The following FBXW12 variants were observed in gnomAD, a reference collection of about 807,000 sequenced individuals.
The protein encoded by FBXW12 is F-box and WD repeat domain containing 12.
Under a neutral mutation model 55.3 loss-of-function variants are expected in FBXW12, and 43 were observed. The observed-to-expected ratio is 0.78, with a 90% CI of 0.61 to 1.00. The LOEUF is 1.00. FBXW12 is among the 50% of genes least tolerant of loss of function. The pLI, the probability that FBXW12 is intolerant of heterozygous loss-of-function variation, is 0.00. For synonymous variants in FBXW12, 184 were observed against 203.8 expected, an observed-to-expected ratio of 0.90 and a Z score of 0.83; for missense variants, 524 against 560.5, an observed-to-expected ratio of 0.93 and a Z score of 0.66.
Position 48,379,530 on chromosome 3 carries a change from G to C in FBXW12, c.746G>C (p.Cys249Ser). Residue 249 changes from cysteine (C) to serine (S), a missense_variant, in exon 7 of 11, where the codon TGT becomes TCT. Physicochemically the swap from Cys to Ser is moderately radical, Grantham distance 112. Transcript: ENST00000296438. Reference sequence around the variant, plus strand: ...CCTGACAAGAAATGGGTATTTGCATGTGGGACATACAGTCGTACCTTGCCA... The same window carrying C: ...CCTGACAAGAAATGGGTATTTGCATCTGGGACATACAGTCGTACCTTGCCA... ...CSPDKKWVFA[C>S]GTYSRTLPQV... 1 of 1,614,186 alleles carries C rather than the reference G, an allele frequency of 6.2e-7. No individual in the cohort carries two copies. The highest frequency in any genetic ancestry group is 8.5e-7 in the Non-Finnish European group (1 of 1,179,984).
chr3:48,372,322 T>C lies in FBXW12; in HGVS notation c.-85+2T>C, dbSNP rs1234949015. The C allele has an allele frequency of 6.4e-7, 1 of 1,552,086 alleles. No individual in the cohort carries two copies. Among genetic ancestry groups the C allele is most frequent in the East Asian group, 2.4e-5 (1 of 40,930 alleles). Reference sequence around the variant, plus strand: ...ACTCACCAGATTCAAGATCCCAAGGTAGGCACAGACACAGGGCAAGCAGAC... The same window carrying C: ...ACTCACCAGATTCAAGATCCCAAGGCAGGCACAGACACAGGGCAAGCAGAC... On this transcript the variant is annotated splice_donor_variant, in intron 1 of 10. Coordinates refer to ENST00000296438, the MANE Select transcript of FBXW12 (RefSeq NM_207102.2). LOFTEE classifies it low-confidence loss of function (5UTR_SPLICE).
chr3:48,380,715 A>G lies in FBXW12; in HGVS notation c.788A>G (p.Glu263Gly). 6.2e-7 allele frequency: 1 copy of G among 1,613,672 alleles called. No individual in the cohort carries two copies. Among genetic ancestry groups the G allele is most frequent in the Non-Finnish European group, 8.5e-7 (1 of 1,179,564 alleles). ...TGCTCTCTTTAGGTATTCCTCACAG[A>G]GTCCTTACTGAGACCATCAGAAGGC... ...SRTLPQVFLT[E>G]SLLRPSEGSV... The change falls in exon 8 of 11, where the codon GAG becomes GGG. Residue 263 changes from glutamate (E) to glycine (G), a missense_variant. By Grantham distance (98) the Glu-to-Gly change is moderately conservative (BLOSUM62 -2). Coordinates refer to ENST00000296438, the MANE Select transcript of FBXW12 (RefSeq NM_207102.2).
intron 4 of FBXW12, among the ~76,000 whole-genome samples, chr3:48,374,833 G>A (rs1015661991): frequency 2.2e-4 from 30 of 137,542 alleles, no homozygotes; most frequent in Non-Finnish European, 3.5e-4. Context: ...GCAGCAGCAT[G>A]ATCTTGGCTT....
chr3:48,372,856 A>G lies in FBXW12; in HGVS notation c.89A>G (p.Lys30Arg). 1 of 1,614,056 alleles carries G rather than the reference A, an allele frequency of 6.2e-7. No individual in the cohort carries two copies. The highest frequency in any genetic ancestry group is 1.3e-5 in the African/African-American group (1 of 75,024). The change falls in exon 2 of 11, where the codon AAG (lysine) becomes AGG (arginine). Residue 30 changes from lysine (K) to arginine (R), a missense_variant and splice_region_variant. Lys to Arg is a conservative substitution (Grantham distance 26, BLOSUM62 2). Coordinates refer to ENST00000296438, the MANE Select transcript of FBXW12 (RefSeq NM_207102.2). ...FGLLQVSQVN[K>R]HWNRIADSDY... Reference sequence around the variant, plus strand: ...TTGCTGCAGGTTTCCCAGGTGAACAAGGTAAAGGCCTTCCACCTCCCACTG... The same window carrying G: ...TTGCTGCAGGTTTCCCAGGTGAACAGGGTAAAGGCCTTCCACCTCCCACTG...
intron 4 of FBXW12, among the ~76,000 whole-genome samples, chr3:48,374,738 C>T (rs1011600989): frequency 1.3e-5 from 2 of 148,366 alleles, no homozygotes; most frequent in Admixed American, 1.3e-4. Flanking sequence ...GCGTGAGCCA[C>T]TGTACCTGGC....
Position 48,372,583 on chromosome 3 carries a change from G to A in FBXW12, c.-84-101G>A, listed in dbSNP as rs563154353. The stretch of plus-strand genomic sequence containing the variant: ...GATGCCTGCCAGCTGTGTGGATCAG[G>A]CCCCAGGGGAGAGGCCGGGGTGGAG... On this transcript the variant is annotated intron_variant, in intron 1 of 10. Transcript: ENST00000296438. The A allele has an allele frequency of 1.0e-5, 14 of 1,385,254 alleles. No individual in the cohort carries two copies. In the East Asian group the frequency reaches 2.4e-4, roughly 24 times the overall value. The allele number at this position is 1,385,254 out of a possible 1,614,324, so 85.8% of individuals were successfully genotyped here. A position where few individuals can be genotyped will look rare whatever the true frequency, so the allele number is the denominator to read the frequency against.
At chr3:48,372,978 C>T in intron 2 of FBXW12, 121 bp downstream of exon 2, 1 of 949,102 alleles carries the variant, frequency 1.1e-6, no homozygotes. Context: ...ATTCTTCATA[C>T]TGAGGGCCTC....
intron 8 of FBXW12, 83 bp from the exon 9 acceptor site, chr3:48,381,617 T>C (rs2036775653): frequency 7.1e-7 from 1 of 1,416,380 alleles, no homozygotes; most frequent in Non-Finnish European, 9.4e-7. Flanking sequence ...TTTTATTCAG[T>C]GTGAGGATAT....
rs576519547 is a variant in FBXW12, at chr3:48,387,154, T to C, written c.1295+5069T>C. Among the ~76,000 whole-genome samples, 29 of 152,252 alleles carry C rather than the reference T, an allele frequency of 1.9e-4. No individual in the cohort carries two copies. In the South Asian group the frequency reaches 6.0e-3, roughly 32 times the overall value. On this transcript the variant is annotated intron_variant, in intron 10 of 10. Transcript: ENST00000296438. ...AAGCTTTTAACTATAAATTCCTTAATAGTTATAGTACAACTCAGATTATCT... is the reference window on the plus strand; with the variant it reads ...AAGCTTTTAACTATAAATTCCTTAACAGTTATAGTACAACTCAGATTATCT...
Position 48,374,390 on chromosome 3 carries a change from C to T in FBXW12, c.286+685C>T, listed in dbSNP as rs1235689557. ...TCATCTAGGCTGGAGTGCAATGGCA[C>T]GATCTCGGCTCACTGCAGCCTCTGT... On this transcript the variant is annotated intron_variant, in intron 4 of 10. Transcript: ENST00000296438. 6.0e-5 allele frequency among the ~76,000 whole-genome samples: 9 copies of T among 150,740 alleles called. No homozygotes were observed. In the South Asian group the frequency reaches 6.3e-4, roughly 11 times the overall value.
At chr3:48,383,847 A>G (rs1034545053) in intron 10 of FBXW12, among the ~76,000 whole-genome samples, 1 of 152,156 alleles carries the variant, frequency 6.6e-6, no homozygotes, top group Admixed American at 6.5e-5. Flanking sequence ...TTGCCTGTGT[A>G]CCTTTGTCCA....
intron 7 of FBXW12, among the ~76,000 whole-genome samples, chr3:48,380,450 AT>A (rs1304695664): frequency 2.0e-5 from 3 of 152,218 alleles, no homozygotes; most frequent in Non-Finnish European, 2.9e-5. Context: ...AGGGTTCAAC[AT>A]GGCAAGATGG....
intron 8 of FBXW12, among the ~76,000 whole-genome samples, chr3:48,381,284 A>C (rs1167671051): frequency 6.6e-6 from 1 of 151,874 alleles, no homozygotes; most frequent in African/African-American, 2.4e-5. Context: ...GGCCTCCCAA[A>C]GTGCTGGGAT....
At chr3:48,394,472 T>C (rs2036976956) in intron 10 of FBXW12, 88 bp from the exon 11 acceptor site, 2 of 759,492 alleles carry the variant, frequency 2.6e-6, no homozygotes, top group Admixed American at 5.1e-5. Context: ...AAAGTATTGA[T>C]ATCTTAGTCA....
intron 10 of FBXW12, among the ~76,000 whole-genome samples, chr3:48,389,582 G>A (rs1435083390): frequency 6.6e-6 from 1 of 152,084 alleles, no homozygotes; most frequent in Non-Finnish European, 1.5e-5. Context: ...CACCATGTTG[G>A]CCAGGCTGGT....
intron 10 of FBXW12, 96 bp from the exon 11 acceptor site, chr3:48,394,464 A>G (rs1199979268): frequency 1.4e-6 from 1 of 713,898 alleles, no homozygotes; most frequent in East Asian, 2.7e-5. Flanking sequence ...TAATTTGGAA[A>G]GTATTGATAT....
intron 7 of FBXW12, among the ~76,000 whole-genome samples, 161 bp from the exon 8 acceptor site, chr3:48,380,541 T>C (rs1449627735): frequency 6.6e-6 from 1 of 152,242 alleles, no homozygotes; most frequent in African/African-American, 2.4e-5. Flanking sequence ...GAGTTCCTTT[T>C]ATGCTGGAGT....
At chr3:48,380,344 G>C (rs1483650601) in intron 7 of FBXW12, among the ~76,000 whole-genome samples, 1 of 152,180 alleles carries the variant, frequency 6.6e-6, no homozygotes, top group Non-Finnish European at 1.5e-5. Flanking sequence ...GGGCACCAAA[G>C]AGGGAGGAGT....
At chr3:48,373,940 A>T (rs1419906989) in intron 4 of FBXW12, among the ~76,000 whole-genome samples, 1 of 152,154 alleles carries the variant, frequency 6.6e-6, no homozygotes, top group Non-Finnish European at 1.5e-5. Flanking sequence ...ACATAAAATC[A>T]GGTCCTGTTA....
Sources: allele counts gnomAD v4.1 joint callset (sites outside exome capture counted in the v4.1 genomes callset), GRCh38; gene constraint gnomAD v4.1.1; transcripts MANE v1.5; gene names NCBI Gene and HGNC (gene_info 2026-07-23, HGNC 2026-07-21).